KIF1C: variants seen among roughly 807,000 people sequenced by gnomAD.
The protein encoded by KIF1C is kinesin family member 1C, also known as kinesin-like protein KIF1C.
In KIF1C, 61 loss-of-function variants were observed where a neutral mutation model predicts 126.5. The observed-to-expected ratio is 0.48, with a 90% CI of 0.39 to 0.60. KIF1C has a LOEUF of 0.60. Among genes scored for constraint, KIF1C ranks in the 20% least tolerant of loss-of-function variants. The pLI, the probability that KIF1C is intolerant of heterozygous loss-of-function variation, is 0.00. For missense variants in KIF1C, 1,315 were observed against 1,489.2 expected, an observed-to-expected ratio of 0.88 and a Z score of 1.93; for synonymous variants, 640 against 580.6, an observed-to-expected ratio of 1.10 and a Z score of -1.47.
At position 5,022,062 on chromosome 17, in the gene KIF1C, C is replaced by G. The variant is rs1026288852; in HGVS notation, c.2011-30C>G. The G allele has an allele frequency of 3.2e-6, 5 of 1,569,404 alleles. No individual in the cohort carries two copies. In the African/African-American group the frequency reaches 5.4e-5, roughly 17 times the overall value. Reference sequence around the variant, plus strand: ...ACATGGGCTCTGGATGTCCTTAGCCCTCTCTTCCTCTTTCTTTCTCTGGCC... The same window carrying G: ...ACATGGGCTCTGGATGTCCTTAGCCGTCTCTTCCTCTTTCTTTCTCTGGCC... On this transcript the variant is annotated intron_variant, in intron 21 of 22. Transcript: ENST00000320785. The surrounding 1 kb of genome is among the most constrained non-coding windows in gnomAD (Gnocchi z 4.9).
chr17:5,016,140 CTTT>C (rs113644919), intron 18 of KIF1C, among the ~76,000 whole-genome samples: 5 of 136,778 alleles, frequency 3.7e-5, no homozygotes, highest in Non-Finnish European at 4.8e-5. Context: ...ATGGTCAGCA[CTTT>C]TTTTTTTTTT....
intron 13 of KIF1C, among the ~76,000 whole-genome samples, chr17:5,006,565 A>G (rs1317597276): frequency 6.6e-6 from 1 of 151,848 alleles, no homozygotes; most frequent in Non-Finnish European, 1.5e-5. Context: ...CGAACTCCTG[A>G]CCTCAGGTGA....
At chr17:5,014,869 A>C in intron 18 of KIF1C, 32 bp downstream of exon 18, 1 of 1,513,554 alleles carries the variant, frequency 6.6e-7, no homozygotes, top group Non-Finnish European at 9.0e-7. Context: ...GAGGCCAGAC[A>C]GGGAGAGAGG....
chr17:5,000,474 G>T (rs922550757), intron 3 of KIF1C, 122 bp downstream of exon 3: 3 of 739,508 alleles, frequency 4.1e-6, no homozygotes, highest in East Asian at 5.4e-5. Context: ...GGTGCTAGTC[G>T]TAAGGGCGGG....
At position 5,000,678 on chromosome 17, in the gene KIF1C, G is replaced by T. The variant is rs534214144; in HGVS notation, c.107-94G>T. On this transcript the variant is annotated intron_variant, in intron 3 of 22. Transcript: ENST00000320785. ...AGAGTCAGGACAGTGGTGAGGAGTG[G>T]GATGCTTGGATTCCAGGGGCTGGTT... 7 of 1,090,142 alleles carry T rather than the reference G, an allele frequency of 6.4e-6. No individual in the cohort carries two copies. The Admixed American group carries it at 1.2e-4, about 19-fold the overall frequency. The allele number at this position is 1,090,142 out of a possible 1,614,324, so 67.5% of individuals were successfully genotyped here.
Position 5,020,183 on chromosome 17 carries a change from A to C in KIF1C, c.1750+104A>C. 1 of 854,126 alleles carries C rather than the reference A, an allele frequency of 1.2e-6. No homozygotes were observed. Among genetic ancestry groups the C allele is most frequent in the Non-Finnish European group, 2.0e-6 (1 of 512,256 alleles). The allele number at this position is 854,126 out of a possible 1,614,324, so 52.9% of individuals were successfully genotyped here. On this transcript the variant is annotated intron_variant, in intron 19 of 22. Transcript: ENST00000320785. The surrounding 1 kb of genome is among the most constrained non-coding windows in gnomAD (Gnocchi z 5.8). ...ATCCTAGAGGAGGACCCTGAAATAC[A>C]TCAGAAATAGCACGGGGATATAAAG... is the stretch of plus-strand genomic sequence containing the variant.
chr17:5,004,148 C>T (rs1974671681), intron 11 of KIF1C, 75 bp downstream of exon 11: 2 of 1,070,396 alleles, frequency 1.9e-6, no homozygotes, highest in South Asian at 2.5e-5. Flanking sequence ...GACAAATCCC[C>T]TTGCTATGCC....
chr17:5,019,089 C>G (rs1975036894), intron 18 of KIF1C: 1 of 161,102 alleles, frequency 6.2e-6, no homozygotes, highest in Non-Finnish European at 1.5e-5. Flanking sequence ...TAAGCTGAGT[C>G]CTCTGCTCTC....
Position 5,022,276 on chromosome 17 carries a change from G to A in KIF1C, c.2195G>A (p.Arg732His), listed in dbSNP as rs766718357. 9 of 1,613,712 alleles carry A rather than the reference G, an allele frequency of 5.6e-6. No individual in the cohort carries two copies. The highest frequency in any genetic ancestry group is 2.2e-5 in the East Asian group (1 of 44,896). The change falls in exon 22 of 23, where the codon CGC becomes CAC. Residue 732 changes from arginine (R) to histidine (H), a missense_variant. By Grantham distance (29) the Arg-to-His change is conservative. Coordinates refer to ENST00000320785, the MANE Select transcript of KIF1C (RefSeq NM_006612.6). The surrounding 1 kb of genome is among the most constrained non-coding windows in gnomAD (Gnocchi z 4.9). Reference protein sequence around the residue: ...PRRVYQIPQRRRLQGKDPRWA... With the variant: ...PRRVYQIPQRHRLQGKDPRWA... ...AGGGTTTATCAGATCCCCCAGCGAC[G>A]CAGGCTGCAGGGCAAAGACCCCCGC... is the stretch of plus-strand genomic sequence containing the variant.
intron 18 of KIF1C, among the ~76,000 whole-genome samples, chr17:5,017,293 C>CTTTT (rs34140025): frequency 7.2e-4 from 61 of 85,196 alleles, no homozygotes; most frequent in African/African-American, 9.8e-4. Flanking sequence ...GGCCTTGGTT[C>CTTTT]TTTTTTTTTT....
chr17:5,016,191 G>A (rs931534187), intron 18 of KIF1C, among the ~76,000 whole-genome samples: 1 of 151,168 alleles, frequency 6.6e-6, no homozygotes, highest in Non-Finnish European at 1.5e-5. Context: ...AGGCTGGAGT[G>A]CAGTGGTGCG....
chr17:5,019,955 C>A (rs1186739630), intron 18 of KIF1C, 41 bp from the exon 19 acceptor site: 1 of 1,520,612 alleles, frequency 6.6e-7, no homozygotes, highest in Non-Finnish European at 9.0e-7. Context: ...CCACCTTCCT[C>A]CAGGGTCTAA....
intron 21 of KIF1C, among the ~76,000 whole-genome samples, chr17:5,021,546 C>G (rs962134532): frequency 1.3e-5 from 2 of 151,982 alleles, no homozygotes; most frequent in Non-Finnish European, 2.9e-5. Context: ...GTGGCCTGAT[C>G]ATAGCTCACT....
chr17:5,016,892 T>G (rs993291531), intron 18 of KIF1C, among the ~76,000 whole-genome samples: 1 of 140,512 alleles, frequency 7.1e-6, no homozygotes. Context: ...GGTGACAGAG[T>G]GAGACTGTTT....
intron 16 of KIF1C, among the ~76,000 whole-genome samples, chr17:5,013,137 G>A (rs1168654788): frequency 6.6e-6 from 1 of 152,188 alleles, no homozygotes; most frequent in Non-Finnish European, 1.5e-5. Flanking sequence ...AGTAATTCAT[G>A]TGTGTAGGAA....
chr17:5,000,576 C>T (rs2143305529), intron 3 of KIF1C, among the ~76,000 whole-genome samples, 196 bp from the exon 4 acceptor site: 2 of 151,294 alleles, frequency 1.3e-5, no homozygotes, highest in Middle Eastern at 6.8e-3. Context: ...AGGGAGGCAG[C>T]TCAGTGGGGG....
At position 5,022,669 on chromosome 17, in the gene KIF1C, A is replaced by C; in HGVS notation, c.2588A>C (p.Asp863Ala). 6.3e-7 allele frequency: 1 copy of C among 1,586,818 alleles called. No individual in the cohort carries two copies. The highest frequency in any genetic ancestry group is 1.3e-5 in the African/African-American group (1 of 74,514). The change falls in exon 22 of 23, where the codon GAC becomes GCC. Residue 863 changes from aspartate (D) to alanine (A), a missense_variant. Asp to Ala is a moderately radical substitution (Grantham distance 126). Around this residue, in one of 2 missense-constraint regions of KIF1C, gnomAD observed 441 missense variants for 436.1 expected, o/e 1.01. Coordinates refer to ENST00000320785, the MANE Select transcript of KIF1C (RefSeq NM_006612.6). This position sits in a 1 kb window ranked among gnomAD's most constrained non-coding sequence, Gnocchi z 4.9. ...GACCGGGAGCTGCAGGCCCTGCGGG[A>C]CCGCATGCTCCGCATGGAGAGGGTC... ...SKDRELQALRDRMLRMERVIP... is the reference protein window; with the variant it reads ...SKDRELQALRARMLRMERVIP...
intron 18 of KIF1C, among the ~76,000 whole-genome samples, chr17:5,016,541 G>A (rs906206051): frequency 2.7e-5 from 4 of 150,128 alleles, no homozygotes; most frequent in African/African-American, 4.9e-5. Flanking sequence ...GTGAGCCACC[G>A]CACCCGGCCA....
rs949734312 is a variant in KIF1C, at chr17:5,024,562, T to A, written c.*411T>A. ...CCGTCTGTCTGTCTGTCTGTGGTGG[T>A]TTCTGTTTCTTGGGAGGCATGGTAG... is the stretch of plus-strand genomic sequence containing the variant. On this transcript the variant is annotated 3_prime_UTR_variant, in exon 23 of 23. Coordinates refer to ENST00000320785, the MANE Select transcript of KIF1C (RefSeq NM_006612.6). The A allele has an allele frequency of 1.2e-5, 2 of 171,908 alleles. No individual in the cohort carries two copies. Among genetic ancestry groups the A allele is most frequent in the African/African-American group, 4.7e-5 (2 of 42,122 alleles). 10.6% of individuals were successfully genotyped at this position (171,908 alleles called of 1,614,324 possible).
Sources: allele counts gnomAD v4.1 joint callset (sites outside exome capture counted in the v4.1 genomes callset), GRCh38; gene constraint gnomAD v4.1.1; regional missense constraint gnomAD v4.1.1; non-coding constraint Gnocchi (gnomAD v3.1); transcripts MANE v1.5; gene names NCBI Gene and HGNC (gene_info 2026-07-23, HGNC 2026-07-21).